Variants in GSN observed in about 807,000 individuals in gnomAD.
GSN encodes actin-depolymerizing factor.
A neutral mutation model predicts 85.7 loss-of-function variants in GSN; 56 were observed. The observed-to-expected ratio is 0.65, with a 90% CI of 0.53 to 0.82. The LOEUF (loss-of-function observed/expected upper bound fraction) is 0.82, where lower values mean the gene tolerates loss of function less well. Among genes scored for constraint, GSN ranks in the 40% least tolerant of loss-of-function variants. GSN has a pLI of 0.00. For missense variants in GSN, 857 were observed against 979.8 expected (o/e 0.87, Z 1.67); for synonymous variants, 373 against 399.1 (o/e 0.93, Z 0.78).
chr9:121,252,916 T>C (rs1356833175), intron 6 of GSN, among the ~76,000 whole-genome samples: 1 of 152,194 alleles, frequency 6.6e-6, no homozygotes, highest in African/African-American at 2.4e-5. Context: ...GGGGGGACTA[T>C]AGGAAAATAC....
chr9:121,304,335 T>C (rs1378985280), intron 4 of GSN, among the ~76,000 whole-genome samples: 1 of 152,228 alleles, frequency 6.6e-6, no homozygotes, highest in East Asian at 1.9e-4. Flanking sequence ...CCTGCTGAGG[T>C]GTCCAGCTCT....
intron 6 of GSN, chr9:121,312,747 C>A (rs1299086567): frequency 3.5e-6 from 1 of 284,732 alleles, no homozygotes; most frequent in Non-Finnish European, 6.6e-6. Context: ...CCTGCCTCAG[C>A]CTCCCGAGTA....
At chr9:121,285,547 A>G (rs2057966338) in intron 2 of GSN, 1 of 166,648 alleles carries the variant, frequency 6.0e-6, no homozygotes, top group Non-Finnish European at 1.5e-5. Flanking sequence ...ATGAAATTAA[A>G]AAAAAATTAT....
At chr9:121,290,096 GT>G (rs1253013383) in intron 2 of GSN, among the ~76,000 whole-genome samples, 2 of 152,152 alleles carry the variant, frequency 1.3e-5, no homozygotes, top group Non-Finnish European at 2.9e-5. Context: ...TTTATGTACT[GT>G]CTTGGTGGGA....
chr9:121,289,137 C>T (rs1205445921), intron 2 of GSN, among the ~76,000 whole-genome samples: 1 of 152,146 alleles, frequency 6.6e-6, no homozygotes, highest in African/African-American at 2.4e-5. Context: ...GAACCAAGTT[C>T]CTCCTCCTCA....
chr9:121,242,991 C>T (rs2132206121), intron 5 of GSN, among the ~76,000 whole-genome samples: 1 of 152,290 alleles, frequency 6.6e-6, no homozygotes, highest in South Asian at 2.1e-4. Context: ...ATGGAGGGTA[C>T]ATTAGTTTCC....
chr9:121,256,968 T>C (rs2054976196), intron 6 of GSN, among the ~76,000 whole-genome samples: 1 of 152,328 alleles, frequency 6.6e-6, no homozygotes, highest in South Asian at 2.1e-4. Context: ...TAATTTATTG[T>C]ATATTTCAAA....
In GSN at chr9:121,287,280, G is replaced by A. The variant is rs535000338; in HGVS notation, c.-10+5718G>A. On this transcript the variant is annotated intron_variant, in intron 2 of 17. Transcript: ENST00000432226. ...AGGGAGGCGGAGGGAATGGAGAGAC[G>A]AGAAGAGGAAAGGGCTCTAATTCTA... is the stretch of plus-strand genomic sequence containing the variant. Among the ~76,000 whole-genome samples the A allele has an allele frequency of 4.3e-4, 65 of 152,248 alleles. 1 individual carries two copies. Among genetic ancestry groups the A allele is most frequent in the African/African-American group, 9.6e-4 (40 of 41,560 alleles).
At chr9:121,312,917 A>G (rs2061335875) in intron 6 of GSN, 2 of 162,318 alleles carry the variant, frequency 1.2e-5, no homozygotes, top group Non-Finnish European at 2.7e-5. Context: ...ATGAGTCACC[A>G]TGCTGGCCCT....
At chr9:121,300,041 A>ACT in intron 2 of GSN, 1 of 1,563,108 alleles carries the variant, frequency 6.4e-7, no homozygotes. Context: ...TCCCGGAGTA[A>ACT]CTCTCTATTG....
At chr9:121,254,308 C>T (rs1266057934) in intron 6 of GSN, among the ~76,000 whole-genome samples, 1 of 152,228 alleles carries the variant, frequency 6.6e-6, no homozygotes. Context: ...AATAGCAAGA[C>T]TTGGCTTCCC....
chr9:121,254,655 T>G (rs1034446223), intron 6 of GSN, among the ~76,000 whole-genome samples: 1 of 152,228 alleles, frequency 6.6e-6, no homozygotes, highest in African/African-American at 2.4e-5. Context: ...CTCCCAAAGA[T>G]GAATTCTTCT....
rs1487122692 is a variant in GSN, at chr9:121,311,221, T to C, written c.513+376T>C. ...CACATGTATACTCGGGTATGTTGTT[T>C]AAGGTCCCACATGTGTATGTCATAC... On this transcript the variant is annotated intron_variant, in intron 5 of 17. Coordinates refer to ENST00000432226, the MANE Select transcript of GSN (RefSeq NM_198252.3). The C allele has an allele frequency of 1.5e-5, 5 of 323,420 alleles. No homozygotes were observed. In the East Asian group the frequency reaches 3.9e-4, roughly 25 times the overall value. The allele number at this position is 323,420 out of a possible 1,614,324, so 20.0% of individuals were successfully genotyped here. A position where few individuals can be genotyped will look rare whatever the true frequency, so the allele number is the denominator to read the frequency against.
upstream of GSN, among the ~76,000 whole-genome samples, chr9:121,267,151 C>G (rs1245717092): frequency 2.0e-5 from 3 of 152,206 alleles, no homozygotes; most frequent in Non-Finnish European, 4.4e-5. Flanking sequence ...TCCTTCCAAA[C>G]CGGAGTCACG....
chr9:121,254,800 A>G (rs2054916676), intron 6 of GSN, among the ~76,000 whole-genome samples: 1 of 152,218 alleles, frequency 6.6e-6, no homozygotes, highest in Non-Finnish European at 1.5e-5. Context: ...ACAAAAGGAT[A>G]TACACAGAAA....
intron 4 of GSN, among the ~76,000 whole-genome samples, chr9:121,218,437 C>T (rs2054107632): frequency 6.6e-6 from 1 of 152,092 alleles, no homozygotes; most frequent in South Asian, 2.1e-4. Context: ...GGGTTCAAGA[C>T]CAGCCTGGCC....
chr9:121,303,453 C>A (rs1342042087), intron 4 of GSN, among the ~76,000 whole-genome samples: 2 of 152,168 alleles, frequency 1.3e-5, no homozygotes, highest in African/African-American at 2.4e-5. Flanking sequence ...CAACAGAGGG[C>A]CCCGTGTTAA....
At chr9:121,258,523 T>G (rs1418801421) in intron 6 of GSN, among the ~76,000 whole-genome samples, 3 of 152,106 alleles carry the variant, frequency 2.0e-5, no homozygotes, top group Admixed American at 1.3e-4. Flanking sequence ...TTTTTAAATA[T>G]GAAACTTGGA....
intron 1 of GSN, among the ~76,000 whole-genome samples, chr9:121,208,880 G>A (rs1284156106): frequency 6.6e-6 from 1 of 152,258 alleles, no homozygotes. Flanking sequence ...CAGGGAGGCT[G>A]ATGTTAAACC....
Sources: allele counts gnomAD v4.1 joint callset (sites outside exome capture counted in the v4.1 genomes callset), GRCh38; gene constraint gnomAD v4.1.1; transcripts MANE v1.5; gene names NCBI Gene and HGNC (gene_info 2026-07-23, HGNC 2026-07-21).